The following NUMA1 variants were observed in gnomAD, a reference collection of about 807,000 sequenced individuals.
NUMA1 encodes the protein nuclear mitotic apparatus protein 1.
A neutral mutation model predicts 237.1 loss-of-function variants in NUMA1; 62 were observed. That is an observed-to-expected ratio of 0.26 (90% CI 0.21 to 0.32). NUMA1 has a LOEUF of 0.32. Among genes scored for constraint, NUMA1 ranks in the 10% least tolerant of loss-of-function variants. The probability of loss-of-function intolerance (pLI) is 1.00; values close to 1 mark genes in which losing one functional copy is unlikely to be tolerated. For missense variants in NUMA1, 2,533 were observed against 2,666.5 expected, an observed-to-expected ratio of 0.95 and a Z score of 1.10; for synonymous variants, 1,028 against 1,066.1, an observed-to-expected ratio of 0.96 and a Z score of 0.70.
intron 3 of NUMA1, among the ~76,000 whole-genome samples, chr11:72,032,758 A>G (rs576510823): frequency 7.9e-5 from 12 of 152,236 alleles, no homozygotes; most frequent in Non-Finnish European, 1.6e-4. Flanking sequence ...AGGTTGCTTA[A>G]GGTTGTCAAA....
intron 20 of NUMA1, chr11:72,007,830 C>G (rs1356440022): frequency 1.1e-5 from 4 of 352,116 alleles, no homozygotes; most frequent in Non-Finnish European, 2.2e-5. Flanking sequence ...TGTCGTCCTG[C>G]TTGGCGAGCC....
chr11:72,009,033 C>T lies in NUMA1; in HGVS notation c.4992G>A (p.Leu1664=). The T allele has an allele frequency of 6.2e-7, 1 of 1,613,806 alleles. No individual in the cohort carries two copies. The highest frequency in any genetic ancestry group is 1.7e-5 in the Admixed American group (1 of 60,024). The change falls in exon 19 of 27, where the codon CTG becomes CTA. Residue 1664 remains leucine, a synonymous_variant. Coordinates refer to ENST00000393695, the MANE Select transcript of NUMA1 (RefSeq NM_006185.4). ...AGGTCTGTTCAGCCTCCTTGGTCTTCAGCCCAGCCTGCTGTAGCTCATGGC... is the reference window on the plus strand; with the variant it reads ...AGGTCTGTTCAGCCTCCTTGGTCTTTAGCCCAGCCTGCTGTAGCTCATGGC... ...RLGHELQQAG[L]KTKEAEQTCR...
At chr11:72,078,719 A>G (rs998665421) in intron 1 of NUMA1, among the ~76,000 whole-genome samples, 2 of 152,262 alleles carry the variant, frequency 1.3e-5, no homozygotes, top group African/African-American at 4.8e-5. Flanking sequence ...ATACTTTGGA[A>G]GCTTTCACAA....
chr11:72,063,783 G>A (rs1239535525), intron 2 of NUMA1, among the ~76,000 whole-genome samples: 2 of 151,602 alleles, frequency 1.3e-5, no homozygotes, highest in African/African-American at 4.8e-5. Context: ...CAGGTGTGGT[G>A]GCATACACCT....
chr11:72,055,897 C>T (rs1942608502), intron 2 of NUMA1, among the ~76,000 whole-genome samples: 1 of 151,758 alleles, frequency 6.6e-6, no homozygotes, highest in Admixed American at 6.6e-5. Context: ...AGACAGATTA[C>T]CTGAGGCCAG....
chr11:72,069,531 T>C (rs1386814980), intron 2 of NUMA1, among the ~76,000 whole-genome samples: 1 of 152,136 alleles, frequency 6.6e-6, no homozygotes, highest in African/African-American at 2.4e-5. Context: ...AATGATGGCT[T>C]AAAAACCAGG....
In NUMA1 at chr11:72,022,396, G is replaced by C. The variant is rs763587453; in HGVS notation, c.315C>G (p.His105Gln). 4 of 1,613,520 alleles carry C rather than the reference G, an allele frequency of 2.5e-6. No individual in the cohort carries two copies. In the Admixed American group the frequency reaches 6.7e-5, roughly 27 times the overall value. The change falls in exon 7 of 27, where the codon CAC (histidine) becomes CAG (glutamine). Residue 105 changes from histidine (H) to glutamine (Q), a missense_variant. Transcript: ENST00000393695. Reference sequence around the variant, plus strand: ...TGGGACTTTTGGAGCTCATGGTAGAGTGGTATAAGAGCAGCATGGTCATCT... The same window carrying C: ...TGGGACTTTTGGAGCTCATGGTAGACTGGTATAAGAGCAGCATGGTCATCT... Reference protein sequence around the residue: ...LAKMTMLLLYHSTMSSKSPRD... With the variant: ...LAKMTMLLLYQSTMSSKSPRD...
At chr11:72,029,151 C>G (rs1192819088) in intron 4 of NUMA1, 54 bp downstream of exon 4, 3 of 1,310,802 alleles carry the variant, frequency 2.3e-6, no homozygotes, top group Non-Finnish European at 3.3e-6. Flanking sequence ...ACAGCCCCCA[C>G]CCCAGCAATC....
Position 72,006,086 on chromosome 11 carries a change from G to C in NUMA1, c.5641C>G (p.Arg1881Gly), listed in dbSNP as rs751406922. Reference sequence around the variant, plus strand: ...GCCTGGGAACGACGAGCAGAACTGCGAGTGGTGGGGCGGTAGCCAGGCAAG... The same window carrying C: ...GCCTGGGAACGACGAGCAGAACTGCCAGTGGTGGGGCGGTAGCCAGGCAAG... ...LSLPGYRPTT[R>G]SSARRSQAGV... The change falls in exon 22 of 27, where the codon CGC (arginine) becomes GGC (glycine). Residue 1881 changes from arginine to glycine, a missense_variant. Arg to Gly is a moderately radical substitution (Grantham distance 125). Around this residue, in one of 3 missense-constraint regions of NUMA1, gnomAD observed 795 missense variants for 750.8 expected, o/e 1.06. Coordinates refer to ENST00000393695, the MANE Select transcript of NUMA1 (RefSeq NM_006185.4). 6.2e-7 allele frequency: 1 copy of C among 1,614,056 alleles called. No homozygotes were observed. The highest frequency in any genetic ancestry group is 1.1e-5 in the South Asian group (1 of 91,084).
chr11:72,018,768 G>A, intron 10 of NUMA1, 55 bp downstream of exon 10: 2 of 1,574,686 alleles, frequency 1.3e-6, no homozygotes, highest in Non-Finnish European at 1.7e-6. Context: ...GGGAGGCCAG[G>A]GGACATCCTT....
At position 72,014,315 on chromosome 11, in the gene NUMA1, T is replaced by C; in HGVS notation, c.3188A>G (p.Asp1063Gly). 6.2e-7 allele frequency: 1 copy of C among 1,613,882 alleles called. No homozygotes were observed. The highest frequency in any genetic ancestry group is 8.5e-7 in the Non-Finnish European group (1 of 1,180,028). ...AHALTEKEGK[D>G]QELAKLRGLE... is the part of the protein sequence containing the mutation. The stretch of plus-strand genomic sequence containing the variant: ...ACCACGAAGCTTGGCCAACTCCTGG[T>C]CCTTGCCTTCCTTTTCCGTCAGGGC... Residue 1063 changes from aspartate (D) to glycine (G), a missense_variant, in exon 15 of 27, where the codon GAC (aspartate) becomes GGC (glycine). By Grantham distance (94) the Asp-to-Gly change is moderately conservative. This residue lies in a region of NUMA1 where 1,414 missense variants were observed against 1,508.1 expected (regional missense o/e 0.94). Transcript: ENST00000393695. This position sits in a 1 kb window ranked among gnomAD's most constrained non-coding sequence, Gnocchi z 4.6.
At chr11:72,007,472 C>A (rs200238731) in intron 20 of NUMA1, 37 bp from the exon 21 acceptor site, 3 of 1,607,694 alleles carry the variant, frequency 1.9e-6, no homozygotes, top group East Asian at 4.5e-5. Context: ...CAGTCCTTCA[C>A]GCTAGAAGGC....
At chr11:72,017,438 C>A in intron 13 of NUMA1, 1 of 535,318 alleles carries the variant, frequency 1.9e-6, no homozygotes, top group Non-Finnish European at 3.4e-6. Flanking sequence ...AGATCCACAT[C>A]TTGTGAACAG....
intron 2 of NUMA1, among the ~76,000 whole-genome samples, chr11:72,056,453 C>G (rs1266738835): frequency 6.6e-6 from 1 of 151,200 alleles, no homozygotes; most frequent in Non-Finnish European, 1.5e-5. Flanking sequence ...TGCCAAGTAG[C>G]TGGGATTCCA....
At chr11:72,060,505 T>C (rs1367033761) in intron 2 of NUMA1, among the ~76,000 whole-genome samples, 1 of 152,120 alleles carries the variant, frequency 6.6e-6, no homozygotes, top group South Asian at 2.1e-4. Context: ...TAGCCAGTTG[T>C]GGTGGCATGC....
chr11:72,044,097 C>T (rs553423762), intron 2 of NUMA1, among the ~76,000 whole-genome samples: 4 of 152,108 alleles, frequency 2.6e-5, no homozygotes, highest in Admixed American at 6.5e-5. Context: ...CCATTATCAC[C>T]CAACTTTAGA....
chr11:72,004,770 C>A lies in NUMA1; in HGVS notation c.5876G>T (p.Gly1959Val). ...GTITDEEMKT[G>V]DPQETLRRAS... ...TCGGCGCAGGGTCTCTTGGGGGTCTCCAGTTTTCATCTCCTCATCTGTGAT... is the reference window on the plus strand; with the variant it reads ...TCGGCGCAGGGTCTCTTGGGGGTCTACAGTTTTCATCTCCTCATCTGTGAT... The change falls in exon 24 of 27, where the codon GGA becomes GTA. Residue 1959 changes from glycine (G) to valine (V), a missense_variant. Around this residue, in one of 3 missense-constraint regions of NUMA1, gnomAD observed 795 missense variants for 750.8 expected, o/e 1.06. Transcript: ENST00000393695. 6.2e-7 allele frequency: 1 copy of A among 1,600,048 alleles called. No individual in the cohort carries two copies. The highest frequency in any genetic ancestry group is 1.1e-5 in the South Asian group (1 of 89,104).
At chr11:72,004,891 C>A in intron 23 of NUMA1, 75 bp from the exon 24 acceptor site, 1 of 1,392,140 alleles carries the variant, frequency 7.2e-7, no homozygotes, top group Non-Finnish European at 9.6e-7. Flanking sequence ...TGTCCCAGAA[C>A]TCTACACTCG....
chr11:72,026,910 T>G (rs1939659172), intron 4 of NUMA1, among the ~76,000 whole-genome samples: 1 of 152,218 alleles, frequency 6.6e-6, no homozygotes, highest in Non-Finnish European at 1.5e-5. Flanking sequence ...AGATTAGCAT[T>G]AACCTGGGAT....
Sources: gnomAD v4.1 joint callset for allele counts (sites outside exome capture counted in the v4.1 genomes callset) on GRCh38, gnomAD v4.1.1 for gene constraint, gnomAD v4.1.1 regional missense constraint, Gnocchi (gnomAD v3.1) non-coding constraint, MANE v1.5 for transcripts, NCBI Gene and HGNC (gene_info 2026-07-23, HGNC 2026-07-21) for gene names.